Variants in TMEM178B observed in about 807,000 individuals in gnomAD.
TMEM178B encodes transmembrane protein 178B.
TMEM178B carries 5 observed loss-of-function variants against 31.0 expected under a neutral mutation model. That is an observed-to-expected ratio of 0.16 (90% CI 0.08 to 0.34). The LOEUF (loss-of-function observed/expected upper bound fraction) is 0.34. TMEM178B is among the 10% of genes least tolerant of loss of function. The pLI is 1.00. For missense variants in TMEM178B, 275 were observed against 400.3 expected (o/e 0.69, Z 2.67); for synonymous variants, 164 against 164.0 (o/e 1.00, Z 0.00).
chr7:141,198,385 T>C (rs1033551228), intron 1 of TMEM178B, among the ~76,000 whole-genome samples: 4 of 152,184 alleles, frequency 2.6e-5, no homozygotes, highest in Middle Eastern at 3.2e-3. Flanking sequence ...AGGAAAGCCA[T>C]CTCTGTCCTG....
chr7:141,439,695 G>C (rs1299101812), intron 3 of TMEM178B, among the ~76,000 whole-genome samples: 2 of 152,176 alleles, frequency 1.3e-5, no homozygotes, highest in Non-Finnish European at 2.9e-5. Flanking sequence ...AGGCTCTAGA[G>C]AGGTCTCCCA....
chr7:141,276,064 G>C (rs1277598415), intron 2 of TMEM178B, among the ~76,000 whole-genome samples: 1 of 152,204 alleles, frequency 6.6e-6, no homozygotes, highest in East Asian at 1.9e-4. Context: ...GTGCTCACCA[G>C]TTTGCTCCAG....
intron 1 of TMEM178B, among the ~76,000 whole-genome samples, chr7:141,116,935 G>A (rs1205174740): frequency 6.6e-6 from 1 of 152,158 alleles, no homozygotes; most frequent in Non-Finnish European, 1.5e-5. Flanking sequence ...ATTTGGGTTG[G>A]TTCCAAGTCT....
chr7:141,159,772 T>C (rs1463177672), intron 1 of TMEM178B, among the ~76,000 whole-genome samples: 2 of 151,904 alleles, frequency 1.3e-5, no homozygotes, highest in African/African-American at 2.4e-5. Flanking sequence ...GACAAATTCA[T>C]AGAGACAGAA....
intron 3 of TMEM178B, among the ~76,000 whole-genome samples, chr7:141,455,816 G>T (rs1314474847): frequency 6.6e-6 from 1 of 152,252 alleles, no homozygotes; most frequent in African/African-American, 2.4e-5. Flanking sequence ...CTCAGAGAAA[G>T]GCTAGGGCCA....
intron 1 of TMEM178B, among the ~76,000 whole-genome samples, chr7:141,149,824 C>G (rs904347176): frequency 2.0e-5 from 3 of 152,210 alleles, no homozygotes; most frequent in African/African-American, 7.2e-5. Flanking sequence ...GCTCTGCCAA[C>G]GTCTCGATTT....
intron 1 of TMEM178B, among the ~76,000 whole-genome samples, chr7:141,160,916 A>G (rs1370765080): frequency 6.6e-6 from 1 of 152,078 alleles, no homozygotes; most frequent in African/African-American, 2.4e-5. Flanking sequence ...GGAGTGCAAT[A>G]GTGCGATCTT....
In TMEM178B at chr7:141,193,272, C is replaced by T. The variant is rs78492444; in HGVS notation, c.383-19319C>T. On this transcript the variant is annotated intron_variant, in intron 1 of 3. Coordinates refer to ENST00000565468, the MANE Select transcript of TMEM178B (RefSeq NM_001195278.2). ...CTGTTCACCACAGTGAATGGAGTGG[C>T]AACCTGAGGCCTTGCAAAACTAGAT... Among the ~76,000 whole-genome samples the T allele has an allele frequency of 4.8e-3, 736 of 152,342 alleles. 12 individuals are homozygous for T. The East Asian group carries it at 0.053, about 11-fold the overall frequency.
chr7:141,302,967 G>T (rs1798753741), intron 2 of TMEM178B, among the ~76,000 whole-genome samples: 1 of 152,208 alleles, frequency 6.6e-6, no homozygotes, highest in Admixed American at 6.5e-5. Flanking sequence ...TGCTATTGCT[G>T]CTGGTTTGGC....
At chr7:141,376,166 G>A (rs1426410830) in intron 2 of TMEM178B, among the ~76,000 whole-genome samples, 2 of 152,186 alleles carry the variant, frequency 1.3e-5, no homozygotes, top group Non-Finnish European at 1.5e-5. Context: ...ATATTTAAGG[G>A]TAACCAAATA....
chr7:141,085,277 G>C (rs1794762075), intron 1 of TMEM178B, among the ~76,000 whole-genome samples: 1 of 149,840 alleles, frequency 6.7e-6, no homozygotes, highest in Admixed American at 6.7e-5. Context: ...GATTACAGGT[G>C]TGAGCCACCA....
intron 1 of TMEM178B, among the ~76,000 whole-genome samples, chr7:141,203,920 A>T (rs1425068992): frequency 7.2e-5 from 11 of 152,194 alleles, no homozygotes; most frequent in Non-Finnish European, 1.5e-4. Flanking sequence ...GGACTAATAG[A>T]GTCTATCCCT....
intron 1 of TMEM178B, among the ~76,000 whole-genome samples, chr7:141,197,756 C>T (rs1477897998): frequency 6.6e-6 from 1 of 152,140 alleles, no homozygotes; most frequent in African/African-American, 2.4e-5. Context: ...CCTCAGCCTC[C>T]CAAGTAGCTG....
chr7:141,363,229 G>A (rs550440112), intron 2 of TMEM178B, among the ~76,000 whole-genome samples: 3 of 152,280 alleles, frequency 2.0e-5, no homozygotes, highest in South Asian at 2.1e-4. Context: ...TTCGGGATTC[G>A]CCTTTGCTGG....
At chr7:141,075,455 C>G (rs779967358) in intron 1 of TMEM178B, among the ~76,000 whole-genome samples, 7 of 152,100 alleles carry the variant, frequency 4.6e-5, no homozygotes, top group Non-Finnish European at 1.0e-4. Context: ...AAACACAAAA[C>G]AAGCTGCATT....
chr7:141,099,676 A>G (rs1414558476), intron 1 of TMEM178B, among the ~76,000 whole-genome samples: 2 of 152,184 alleles, frequency 1.3e-5, no homozygotes, highest in African/African-American at 4.8e-5. Flanking sequence ...AACTGCATTC[A>G]TGCGTTATGG....
chr7:141,366,265 T>A (rs1393101550), intron 2 of TMEM178B, among the ~76,000 whole-genome samples: 2 of 152,156 alleles, frequency 1.3e-5, no homozygotes. Flanking sequence ...TCATTTTTCC[T>A]CTCCTGACCA....
chr7:141,140,304 A>G (rs995595707), intron 1 of TMEM178B, among the ~76,000 whole-genome samples: 54 of 152,222 alleles, frequency 3.5e-4, no homozygotes, highest in Non-Finnish European at 1.9e-4. Flanking sequence ...CTTCAAGTGC[A>G]GGCTTAAAGT....
At chr7:141,370,486 C>T (rs566615260) in intron 2 of TMEM178B, among the ~76,000 whole-genome samples, 19 of 152,284 alleles carry the variant, frequency 1.2e-4, no homozygotes, top group Admixed American at 2.6e-4. Context: ...ATATGCAACA[C>T]GTTGGGTAAA....
Sources: allele counts gnomAD v4.1 joint callset (sites outside exome capture counted in the v4.1 genomes callset), GRCh38; gene constraint gnomAD v4.1.1; transcripts MANE v1.5; gene names NCBI Gene and HGNC (gene_info 2026-07-23, HGNC 2026-07-21).